The following WNT10A variants were observed in gnomAD, a reference collection of about 807,000 sequenced individuals.
WNT10A encodes protein Wnt-10a.
WNT10A carries 37 observed loss-of-function variants against 36.1 expected under a neutral mutation model. The ratio of observed to expected loss-of-function variants is 1.02; its 90% CI spans 0.79 to 1.35. The LOEUF (loss-of-function observed/expected upper bound fraction) is 1.35. WNT10A is among the 40% of genes most tolerant of loss of function. The pLI is 0.00. For missense variants in WNT10A, 613 were observed against 601.4 expected, an observed-to-expected ratio of 1.02 and a Z score of -0.20; for synonymous variants, 255 against 254.1, an observed-to-expected ratio of 1.00 and a Z score of -0.03.
At chr2:218,888,449 G>A (rs1944607712) in intron 2 of WNT10A, among the ~76,000 whole-genome samples, 1 of 152,234 alleles carries the variant, frequency 6.6e-6, no homozygotes, top group African/African-American at 2.4e-5. Context: ...GGCTTGGTCA[G>A]GGAAAATCTG....
At position 218,892,872 on chromosome 2, in the gene WNT10A, C is replaced by A. The variant is rs1387940323; in HGVS notation, c.855C>A (p.Thr285=). ...TCWQVTPEFR[T]VGALLRSRFH... ...GGCAGGTGACGCCCGAGTTCCGCAC[C>A]GTGGGGGCGCTGCTGCGCAGCCGCT... Residue 285 remains threonine (T), a synonymous_variant, in exon 4 of 4, where the codon ACC becomes ACA. Coordinates refer to ENST00000258411, the MANE Select transcript of WNT10A (RefSeq NM_025216.3). 1.3e-6 allele frequency: 2 copies of A among 1,576,236 alleles called. No individual in the cohort carries two copies. Among genetic ancestry groups the A allele is most frequent in the African/African-American group, 2.7e-5 (2 of 74,230 alleles).
intron 1 of WNT10A, 79 bp downstream of exon 1, chr2:218,881,187 G>A (rs567070741): frequency 6.5e-6 from 10 of 1,539,016 alleles, no homozygotes; most frequent in Non-Finnish European, 8.8e-6. Flanking sequence ...TCTTGCTGGG[G>A]TAGAGGACCC....
At position 218,885,258 on chromosome 2, in the gene WNT10A, C is replaced by T. The variant is rs562763045; in HGVS notation, c.376+2835C>T. Among the ~76,000 whole-genome samples the T allele has an allele frequency of 8.5e-5, 13 of 152,346 alleles. No homozygotes were observed. In the South Asian group the frequency reaches 2.7e-3, roughly 32 times the overall value. ...GAGGGCACCAAGCCCATGCTAGCTGCTTCACCTAGTCCAGGAGCAGTAATG... is the reference window on the plus strand; with the variant it reads ...GAGGGCACCAAGCCCATGCTAGCTGTTTCACCTAGTCCAGGAGCAGTAATG... On this transcript the variant is annotated intron_variant, in intron 2 of 3. Transcript: ENST00000258411.
chr2:218,892,306 CACA>C (rs1944661556), intron 3 of WNT10A, among the ~76,000 whole-genome samples: 4 of 540 alleles, frequency 7.4e-3, no homozygotes, highest in Non-Finnish European at 0.013. Context: ...CACCCCACCA[CACA>C]CACACACACA....
At position 218,881,039 on chromosome 2, in the gene WNT10A, A is replaced by G; in HGVS notation, c.44A>G (p.Gln15Arg). Residue 15 changes from glutamine (Q) to arginine (R), a missense_variant, in exon 1 of 4, where the codon CAG becomes CGG. Transcript: ENST00000258411. ...CGCCCCTGGCTGCGGCTCCGACCCC[A>G]GCCCCAGCCGCGGCCAGCGCTCTGG... ...HPRPWLRLRP[Q>R]PQPRPALWVL... 1 of 1,602,876 alleles carries G rather than the reference A, an allele frequency of 6.2e-7. No individual in the cohort carries two copies. The highest frequency in any genetic ancestry group is 8.5e-7 in the Non-Finnish European group (1 of 1,175,100).
intron 2 of WNT10A, among the ~76,000 whole-genome samples, chr2:218,887,043 C>A (rs978680467): frequency 1.3e-5 from 2 of 152,194 alleles, no homozygotes; most frequent in South Asian, 2.1e-4. Flanking sequence ...ATCCCTGGAC[C>A]AGCCTCATCC....
At chr2:218,889,900 C>T in intron 2 of WNT10A, 84 bp from the exon 3 acceptor site, 2 of 1,602,956 alleles carry the variant, frequency 1.2e-6, no homozygotes, top group South Asian at 2.2e-5. Flanking sequence ...TTCAGTTTCT[C>T]CTTGGAATGA....
intron 3 of WNT10A, among the ~76,000 whole-genome samples, chr2:218,891,695 G>C (rs1393366542): frequency 6.6e-6 from 1 of 152,212 alleles, no homozygotes; most frequent in African/African-American, 2.4e-5. Context: ...TGTTGGCCTG[G>C]GGAGGCATTG....
chr2:218,875,556 C>T, the WNT10A span, among the ~76,000 whole-genome samples: 3 of 152,256 alleles, frequency 2.0e-5, no homozygotes, highest in Admixed American at 2.0e-4. Flanking sequence ...TTCTCAAGTC[C>T]AGCTTTGGAA....
intron 3 of WNT10A, 138 bp from the exon 4 acceptor site, chr2:218,892,636 G>T: frequency 1.5e-6 from 2 of 1,376,828 alleles, no homozygotes; most frequent in Non-Finnish European, 2.0e-6. Flanking sequence ...CTGACTGCCT[G>T]GTTGTGGGAC....
chr2:218,887,428 C>T (rs1452281691), intron 2 of WNT10A, among the ~76,000 whole-genome samples: 1 of 152,174 alleles, frequency 6.6e-6, no homozygotes, highest in Non-Finnish European at 1.5e-5. Context: ...GGATGTGCTT[C>T]CCAGGAGCTT....
At chr2:218,891,151 T>C (rs1944645597) in intron 3 of WNT10A, among the ~76,000 whole-genome samples, 1 of 152,214 alleles carries the variant, frequency 6.6e-6, no homozygotes, top group South Asian at 2.1e-4. Context: ...AGGCATGGAT[T>C]GACCAAGAAG....
intron 2 of WNT10A, among the ~76,000 whole-genome samples, chr2:218,886,279 C>T (rs934162345): frequency 2.6e-5 from 4 of 152,202 alleles, no homozygotes; most frequent in Non-Finnish European, 5.9e-5. Flanking sequence ...CATTCAGTGT[C>T]ATGCCTAAGT....
At chr2:218,889,170 C>A (rs754978106) in intron 2 of WNT10A, among the ~76,000 whole-genome samples, 2 of 152,142 alleles carry the variant, frequency 1.3e-5, no homozygotes, top group Non-Finnish European at 2.9e-5. Flanking sequence ...TGAGAACATA[C>A]GATGTTTGGT....
chr2:218,888,192 C>T (rs2106015070), intron 2 of WNT10A, among the ~76,000 whole-genome samples: 1 of 152,318 alleles, frequency 6.6e-6, no homozygotes, highest in East Asian at 1.9e-4. Flanking sequence ...GCTGCCTGCC[C>T]CCTCTCTGGT....
Position 218,880,894 on chromosome 2 carries a change from C to G in WNT10A, c.-102C>G. The G allele has an allele frequency of 7.2e-7, 1 of 1,381,686 alleles. No individual in the cohort carries two copies. The highest frequency in any genetic ancestry group is 9.5e-7 in the Non-Finnish European group (1 of 1,052,706). The allele number at this position is 1,381,686 out of a possible 1,614,324, so 85.6% of individuals were successfully genotyped here. A position where few individuals can be genotyped will look rare whatever the true frequency, so the allele number is the denominator to read the frequency against. On this transcript the variant is annotated 5_prime_UTR_variant, in exon 1 of 4. Transcript: ENST00000258411. This position sits in a 1 kb window ranked among gnomAD's most constrained non-coding sequence, Gnocchi z 7.7. ...TGACCCGAGTCGGAGCTGTGTGTCG[C>G]AGCCGCCCCGACCCCCCGCCGATCA...
upstream of WNT10A, among the ~76,000 whole-genome samples, chr2:218,877,268 T>C (rs1421819120): frequency 6.6e-6 from 1 of 152,224 alleles, no homozygotes; most frequent in Non-Finnish European, 1.5e-5. The surrounding 1 kb of genome is among the most constrained non-coding windows in gnomAD (Gnocchi z 4.1). Flanking sequence ...TTTAGCACAT[T>C]GTGAGAATGC....
Position 218,890,278 on chromosome 2 carries a change from T to C in WNT10A, c.671T>C (p.Phe224Ser). The C allele has an allele frequency of 1.2e-6, 2 of 1,610,298 alleles. No individual in the cohort carries two copies. The highest frequency in any genetic ancestry group is 8.5e-7 in the Non-Finnish European group (1 of 1,179,910). The change falls in exon 3 of 4, where the codon TTT becomes TCT. Residue 224 changes from phenylalanine to serine, a missense_variant. Phe to Ser is a radical substitution (Grantham distance 155). Coordinates refer to ENST00000258411, the MANE Select transcript of WNT10A (RefSeq NM_025216.3). ...CSPDMGFGER[F>S]SKDFLDSREP... is the part of the protein sequence containing the mutation. ...CCCGACATGGGCTTCGGGGAGCGCT[T>C]TTCTAAGGACTTTCTGGACTCCCGG...
chr2:218,874,403 A>G, the WNT10A span, among the ~76,000 whole-genome samples: 2 of 151,838 alleles, frequency 1.3e-5, no homozygotes, highest in African/African-American at 4.8e-5. Context: ...CTTCTTGTTC[A>G]CTCCTGTCAC....
Sources: gnomAD v4.1 joint callset for allele counts (sites outside exome capture counted in the v4.1 genomes callset) on GRCh38, gnomAD v4.1.1 for gene constraint, Gnocchi (gnomAD v3.1) non-coding constraint, MANE v1.5 for transcripts, NCBI Gene and HGNC (gene_info 2026-07-23, HGNC 2026-07-21) for gene names.